DMD: variants seen among roughly 807,000 people sequenced by gnomAD.
DMD encodes the protein mutant dystrophin.
Under a neutral mutation model 330.1 loss-of-function variants are expected in DMD, and 63 were observed. The ratio of observed to expected loss-of-function variants is 0.19; its 90% CI spans 0.16 to 0.24. The LOEUF (loss-of-function observed/expected upper bound fraction) is 0.24, where lower values mean the gene tolerates loss of function less well. Ranked by LOEUF, DMD falls within the 10% of genes least tolerant of loss-of-function variation. The pLI is 1.00. For missense variants in DMD, 3,344 were observed against 2,684.1 expected, an observed-to-expected ratio of 1.25 and a Z score of -5.43; for synonymous variants, 1,223 against 959.8, an observed-to-expected ratio of 1.27 and a Z score of -5.07.
At chrX:31,868,699 C>T (rs1487451987) in intron 48 of DMD, among the ~76,000 whole-genome samples, 1 of 111,327 alleles carries the variant, frequency 9.0e-6, no homozygotes, top group Non-Finnish European at 1.9e-5. Context: ...TTAGGAGACC[C>T]AGGAAACCAA....
In DMD at chrX:33,285,309, TTGTG is replaced by T. The variant is rs35975571; in HGVS notation, c.7+53946_7+53949del. ...TTCAAAAAGTTTAATACGAATTCAT[TTGTG>T]TGTGTGTGTGTGTGTGTTATAATGT... On this transcript the variant is annotated intron_variant, in intron 1 of 17. Coordinates refer to the DMD transcript ENST00000288447. Among the ~76,000 whole-genome samples the T allele has an allele frequency of 2.8e-5, 3 of 106,769 alleles. No individual in the cohort carries two copies. In the South Asian group the frequency reaches 1.2e-3, roughly 44 times the overall value. The allele number at this position is 106,769 out of a possible 115,157, so 92.7% of individuals were successfully genotyped here. A position where few individuals can be genotyped will look rare whatever the true frequency, so the allele number is the denominator to read the frequency against.
intron 1 of DMD, among the ~76,000 whole-genome samples, chrX:33,192,290 C>T (rs983704467): frequency 9.0e-6 from 1 of 111,495 alleles, no homozygotes; most frequent in Non-Finnish European, 1.9e-5. Flanking sequence ...TGAAAGTATT[C>T]CCATTCATTC....
intron 45 of DMD, among the ~76,000 whole-genome samples, chrX:31,941,271 C>G (rs1053187319): frequency 8.9e-6 from 1 of 111,762 alleles, no homozygotes; most frequent in Non-Finnish European, 1.9e-5. Flanking sequence ...ACCGTTTTTT[C>G]TGATTTGAAT....
intron 1 of DMD, among the ~76,000 whole-genome samples, chrX:33,109,884 A>C (rs1383468944): frequency 9.0e-6 from 1 of 111,711 alleles, no homozygotes; most frequent in Non-Finnish European, 1.9e-5. Flanking sequence ...TGATTAATAA[A>C]AACTGCTTGG....
intron 43 of DMD, among the ~76,000 whole-genome samples, chrX:32,249,729 C>T (rs1246533381): frequency 1.8e-5 from 2 of 111,478 alleles, no homozygotes; most frequent in Non-Finnish European, 3.8e-5. Flanking sequence ...TGTCAATATT[C>T]GACACAAAAT....
intron 67 of DMD, among the ~76,000 whole-genome samples, chrX:31,193,864 A>T (rs2042629144): frequency 9.0e-6 from 1 of 111,436 alleles, no homozygotes; most frequent in Admixed American, 9.5e-5. Flanking sequence ...ATTCTTCAAG[A>T]GAACTGGTCT....
chrX:32,619,425 G>GAAAAATGT (rs1289669434), intron 11 of DMD, among the ~76,000 whole-genome samples: 3 of 111,118 alleles, frequency 2.7e-5, no homozygotes, highest in East Asian at 5.7e-4. Flanking sequence ...ATATACTCTT[G>GAAAAATGT]AAAAATGTAG....
chrX:31,907,606 A>G (rs947217236), intron 47 of DMD, among the ~76,000 whole-genome samples: 1 of 112,335 alleles, frequency 8.9e-6, no homozygotes, highest in Non-Finnish European at 1.9e-5. Flanking sequence ...ACCTAAAACC[A>G]TAAAACCCTA....
chrX:32,016,381 T>C (rs1233994341), intron 44 of DMD, among the ~76,000 whole-genome samples: 9 of 111,743 alleles, frequency 8.1e-5, no homozygotes, highest in Non-Finnish European at 1.3e-4. Flanking sequence ...GTCCTATCTC[T>C]GGTCATGCTG....
chrX:31,726,405 T>C (rs1427407941), intron 52 of DMD, among the ~76,000 whole-genome samples: 1 of 112,638 alleles, frequency 8.9e-6, no homozygotes, highest in Non-Finnish European at 1.9e-5. Context: ...AATGTTTCAA[T>C]ATAGTATTAC....
rs1166044782 is a variant in DMD, at chrX:32,733,460, A to C, written c.650-34167T>G. 6.3e-5 allele frequency among the ~76,000 whole-genome samples: 7 copies of C among 110,858 alleles called. No individual in the cohort carries two copies. The Admixed American group carries it at 6.7e-4, about 11-fold the overall frequency. Reference sequence around the variant, plus strand: ...TCCACCCCAAATCAACAGAATATACATTCTTTTCAGCACCACACCACACCT... The same window carrying C: ...TCCACCCCAAATCAACAGAATATACCTTCTTTTCAGCACCACACCACACCT... On this transcript the variant is annotated intron_variant, in intron 7 of 78. Coordinates refer to ENST00000357033, the MANE Select transcript of DMD (RefSeq NM_004006.3).
At chrX:32,577,897 C>T (rs5972601) in intron 13 of DMD, among the ~76,000 whole-genome samples, 3,061 of 112,371 alleles carry the variant, frequency 0.027, 91 homozygotes, top group African/African-American at 0.092. Context: ...TCTGCCCATA[C>T]ATTTTTGTGA....
At position 32,275,592 on chromosome X, in the gene DMD, C is replaced by G. The variant is rs911090650; in HGVS notation, c.6290+11937G>C. ...TAAATACTTTCAGTGTTTAGGTGAA[C>G]TGGTAAGTGTTTTGGTGTGTCAGTT... On this transcript the variant is annotated intron_variant, in intron 43 of 78. Coordinates refer to ENST00000357033, the MANE Select transcript of DMD (RefSeq NM_004006.3). 3.6e-5 allele frequency among the ~76,000 whole-genome samples: 4 copies of G among 111,884 alleles called. No homozygotes were observed. The Admixed American group carries it at 3.8e-4, about 11-fold the overall frequency.
chrX:31,529,020 G>T (rs1412515186), intron 55 of DMD, among the ~76,000 whole-genome samples: 1 of 111,221 alleles, frequency 9.0e-6, no homozygotes, highest in Non-Finnish European at 1.9e-5. Context: ...AAAGGAGTTT[G>T]AGAACAGCCT....
At chrX:33,131,691 C>T (rs187214640) in intron 1 of DMD, among the ~76,000 whole-genome samples, 35 of 111,870 alleles carry the variant, frequency 3.1e-4, no homozygotes, top group South Asian at 3.0e-3. Context: ...TTCATCGGTA[C>T]GATAAGATAT....
At chrX:32,936,573 C>T (rs5927114) in intron 2 of DMD, among the ~76,000 whole-genome samples, 35,756 of 110,899 alleles carry the variant, frequency 0.32, 4,475 homozygotes, top group African/African-American at 0.44. Flanking sequence ...GGGCCTCTTC[C>T]CTTCCTCATT....
At chrX:32,450,501 GT>G (rs1287505831) in intron 26 of DMD, among the ~76,000 whole-genome samples, 1 of 110,659 alleles carries the variant, frequency 9.0e-6, no homozygotes, top group East Asian at 2.8e-4. Context: ...TAATCAACAA[GT>G]TTGATTACCA....
rs188314138 is a variant in DMD, at chrX:32,955,259, T to C, written c.93+64880A>G. 1.5e-4 allele frequency among the ~76,000 whole-genome samples: 17 copies of C among 112,177 alleles called. No homozygotes were observed. The East Asian group carries it at 3.1e-3, about 20-fold the overall frequency. On this transcript the variant is annotated intron_variant, in intron 2 of 78. Coordinates refer to ENST00000357033, the MANE Select transcript of DMD (RefSeq NM_004006.3). ...CTGACTGGTGTGAGATGGTATTTCA[T>C]TGTGGTTTTGATTTGCATTTCTCTA... is the stretch of plus-strand genomic sequence containing the variant.
chrX:32,867,703 C>A (rs2082624510), intron 2 of DMD, among the ~76,000 whole-genome samples: 1 of 111,309 alleles, frequency 9.0e-6, no homozygotes, highest in Admixed American at 9.5e-5. Flanking sequence ...ATTGAAATGA[C>A]CTTGGTTTAA....
Sources: gnomAD v4.1 joint callset for allele counts (sites outside exome capture counted in the v4.1 genomes callset) on GRCh38, gnomAD v4.1.1 for gene constraint, MANE v1.5 for transcripts, NCBI Gene and HGNC (gene_info 2026-07-23, HGNC 2026-07-21) for gene names.